POU2F1: variants seen among roughly 807,000 people sequenced by gnomAD.
POU2F1 encodes the protein POU domain, class 2, transcription factor 1.
A neutral mutation model predicts 84.9 loss-of-function variants in POU2F1; 16 were observed. The observed-to-expected ratio is 0.19, with a 90% CI of 0.13 to 0.29. POU2F1 has a LOEUF of 0.29. POU2F1 is among the 10% of genes least tolerant of loss of function. The pLI, the probability that POU2F1 is intolerant of heterozygous loss-of-function variation, is 1.00. For synonymous variants in POU2F1, 368 were observed against 368.3 expected (o/e 1.00, Z 0.01); for missense variants, 738 against 942.6 (o/e 0.78, Z 2.84).
chr1:167,230,340 G>A (rs953130741), intron 1 of POU2F1, among the ~76,000 whole-genome samples: 1 of 152,086 alleles, frequency 6.6e-6, no homozygotes, highest in Non-Finnish European at 1.5e-5. Context: ...AATTAGCTTA[G>A]TAACTTTAGG....
chr1:167,319,522 G>A (rs1388220874), intron 1 of POU2F1, among the ~76,000 whole-genome samples: 4 of 151,844 alleles, frequency 2.6e-5, no homozygotes, highest in Non-Finnish European at 5.9e-5. Flanking sequence ...TTTCCACTAT[G>A]GCTTGTCCTT....
intron 2 of POU2F1, among the ~76,000 whole-genome samples, chr1:167,363,331 ATTTAT>A (rs1434460238): frequency 6.6e-6 from 1 of 152,132 alleles, no homozygotes; most frequent in Non-Finnish European, 1.5e-5. Context: ...AGTCTTGTTG[ATTTAT>A]TTAATATATC....
intron 1 of POU2F1, among the ~76,000 whole-genome samples, chr1:167,221,872 C>A (rs1648227783): frequency 6.6e-6 from 1 of 151,812 alleles, no homozygotes; most frequent in African/African-American, 2.4e-5. Context: ...AAGTTCCTTC[C>A]GAGGGGATGT....
At chr1:167,248,032 T>G (rs983042811) in intron 1 of POU2F1, among the ~76,000 whole-genome samples, 2 of 152,234 alleles carry the variant, frequency 1.3e-5, no homozygotes, top group African/African-American at 4.8e-5. Context: ...TTAATGTATT[T>G]TTCTTTACAG....
intron 1 of POU2F1, among the ~76,000 whole-genome samples, chr1:167,253,859 A>G (rs1397690739): frequency 6.6e-6 from 1 of 152,022 alleles, no homozygotes. Flanking sequence ...GAAAGTTTTT[A>G]TGTCTCCTCT....
intron 1 of POU2F1, among the ~76,000 whole-genome samples, chr1:167,251,410 CAAAT>C (rs755341509): frequency 0.049 from 7,386 of 151,380 alleles, 205 homozygotes; most frequent in African/African-American, 0.085. Flanking sequence ...AACAAACAAA[CAAAT>C]AAATAAATAA....
intron 2 of POU2F1, among the ~76,000 whole-genome samples, chr1:167,337,484 G>T (rs772146498): frequency 2.0e-5 from 3 of 152,122 alleles, no homozygotes; most frequent in Non-Finnish European, 2.9e-5. Context: ...AGAATTTAAT[G>T]CCAGCAAAGG....
At chr1:167,308,526 C>T (rs1404190576) in intron 1 of POU2F1, among the ~76,000 whole-genome samples, 1 of 151,940 alleles carries the variant, frequency 6.6e-6, no homozygotes, top group African/African-American at 2.4e-5. Context: ...AATAGTGGTC[C>T]TCTCTCCCTC....
chr1:167,415,349 C>T (rs1033121742), intron 15 of POU2F1, 151 bp from the exon 16 acceptor site: 6 of 743,728 alleles, frequency 8.1e-6, no homozygotes, highest in Non-Finnish European at 1.3e-5. Context: ...ATCAATATAG[C>T]ACTGTGTTTG....
chr1:167,309,580 A>AT (rs1655318350), intron 1 of POU2F1, among the ~76,000 whole-genome samples: 1 of 152,120 alleles, frequency 6.6e-6, no homozygotes, highest in African/African-American at 2.4e-5. Flanking sequence ...AAAAAAGTTC[A>AT]TTTTTTAATG....
chr1:167,372,921 G>T (rs1465663872), intron 5 of POU2F1, among the ~76,000 whole-genome samples: 4 of 106,626 alleles, frequency 3.8e-5, no homozygotes, highest in African/African-American at 1.0e-4. Flanking sequence ...ATTTCCTAGG[G>T]TTTTTTGTTT....
chr1:167,343,938 A>G (rs761536462), intron 2 of POU2F1, among the ~76,000 whole-genome samples: 1 of 151,968 alleles, frequency 6.6e-6, no homozygotes, highest in Non-Finnish European at 1.5e-5. Flanking sequence ...GGGAAATGCT[A>G]CGGGGAGGAG....
intron 1 of POU2F1, among the ~76,000 whole-genome samples, chr1:167,243,594 G>A (rs1303353669): frequency 2.0e-5 from 3 of 152,114 alleles, no homozygotes; most frequent in Non-Finnish European, 4.4e-5. Flanking sequence ...TTCTGCCTCA[G>A]CCTCCCGAGT....
rs147200790 is a variant in POU2F1, at chr1:167,416,808, C to T, written c.*998C>T. On this transcript the variant is annotated 3_prime_UTR_variant, in exon 16 of 16. Transcript: ENST00000367866. ...TGTGGTGCAACAGTGCTGCTTTCTG[C>T]TACTTTCAATGGGAACAGCTGTACA... The T allele has an allele frequency of 1.3e-5, 2 of 152,382 alleles. No individual in the cohort carries two copies. The highest frequency in any genetic ancestry group is 2.4e-5 in the African/African-American group (1 of 41,574). The allele number at this position is 152,382 out of a possible 1,614,324, so 9.4% of individuals were successfully genotyped here. A position where few individuals can be genotyped will look rare whatever the true frequency, so the allele number is the denominator to read the frequency against.
At position 167,422,415 on chromosome 1, in the gene POU2F1, C is replaced by T. The variant is rs1166829392; in HGVS notation, c.*6605C>T. ...ACACAACACTTTAAAACCTTACTTA[C>T]TTTTCTCATACCAAGGCTAGTTCTT... is the stretch of plus-strand genomic sequence containing the variant. On this transcript the variant is annotated 3_prime_UTR_variant, in exon 16 of 16. Coordinates refer to ENST00000367866, the MANE Select transcript of POU2F1 (RefSeq NM_002697.4). 6.6e-6 allele frequency: 1 copy of T among 152,238 alleles called. No homozygotes were observed. Among genetic ancestry groups the T allele is most frequent in the Admixed American group, 6.5e-5 (1 of 15,290 alleles). 9.4% of individuals were successfully genotyped at this position (152,238 alleles called of 1,614,324 possible). A position where few individuals can be genotyped will look rare whatever the true frequency, so the allele number is the denominator to read the frequency against.
intron 1 of POU2F1, among the ~76,000 whole-genome samples, chr1:167,229,177 T>A (rs202130018): frequency 1.3e-5 from 2 of 149,390 alleles, no homozygotes; most frequent in African/African-American, 4.9e-5. Flanking sequence ...TTTTTTTTAA[T>A]TTTTTTTTGT....
At chr1:167,289,105 G>A (rs1206018784) in intron 1 of POU2F1, among the ~76,000 whole-genome samples, 2 of 152,160 alleles carry the variant, frequency 1.3e-5, no homozygotes, top group African/African-American at 2.4e-5. Context: ...ACTTGTAGTA[G>A]CATTTTGCTA....
chr1:167,302,813 C>G (rs1305184051), intron 1 of POU2F1, among the ~76,000 whole-genome samples: 1 of 152,024 alleles, frequency 6.6e-6, no homozygotes, highest in African/African-American at 2.4e-5. Context: ...TATAATAGTA[C>G]AAGTATATGT....
rs2273963 is a variant in POU2F1, at chr1:167,375,981, A to G, written c.592-48A>G. 2.3e-5 allele frequency: 37 copies of G among 1,607,266 alleles called. 2 individuals carry two copies. In the African/African-American group the frequency reaches 3.9e-4, roughly 17 times the overall value. ...AGCTGGAAGCCTTATAATTAAGCGA[A>G]CTTTTATTTCAGAATCTCCAATCCA... On this transcript the variant is annotated intron_variant, in intron 6 of 15. Transcript: ENST00000367866.
Sources: gnomAD v4.1 joint callset for allele counts (sites outside exome capture counted in the v4.1 genomes callset) on GRCh38, gnomAD v4.1.1 for gene constraint, MANE v1.5 for transcripts, NCBI Gene and HGNC (gene_info 2026-07-23, HGNC 2026-07-21) for gene names.